GNA11: variants seen among roughly 807,000 people sequenced by gnomAD.
GNA11 encodes the protein guanine nucleotide-binding protein subunit alpha-11.
GNA11 carries 8 observed loss-of-function variants against 38.2 expected under a neutral mutation model. That is an observed-to-expected ratio of 0.21 (90% CI 0.12 to 0.38). The LOEUF is 0.38. Among genes scored for constraint, GNA11 ranks in the 10% least tolerant of loss-of-function variants. The pLI is 1.00. For missense variants in GNA11, 268 were observed against 516.3 expected (o/e 0.52, Z 4.66); for synonymous variants, 211 against 221.4 (o/e 0.95, Z 0.42).
intron 4 of GNA11, among the ~76,000 whole-genome samples, chr19:3,116,735 G>A: frequency 6.6e-6 from 1 of 152,218 alleles, no homozygotes; most frequent in East Asian, 1.9e-4. Flanking sequence ...TCCGGTTGCG[G>A]GTGCCTTCTC....
chr19:3,119,102 A>G lies in GNA11; in HGVS notation c.735+49A>G, dbSNP rs374918092. The G allele has an allele frequency of 3.2e-4, 510 of 1,607,084 alleles. 10 individuals carry two copies. In the South Asian group the frequency reaches 3.3e-3, roughly 10 times the overall value. ...CAGCGTTGGGGGCCGGGCCTTCCCC[A>G]CCTGCCAAGCCTGGGTCCCCTCACC... On this transcript the variant is annotated intron_variant, in intron 5 of 6. Coordinates refer to ENST00000078429, the MANE Select transcript of GNA11 (RefSeq NM_002067.5). The surrounding 1 kb of genome is among the most constrained non-coding windows in gnomAD (Gnocchi z 4.6).
chr19:3,097,878 C>G (rs764850836), intron 1 of GNA11, among the ~76,000 whole-genome samples: 1 of 152,208 alleles, frequency 6.6e-6, no homozygotes, highest in Non-Finnish European at 1.5e-5. Context: ...TGTCCGAGGC[C>G]TCCACCCACT....
rs1386275269 is a variant in GNA11, at chr19:3,120,350, G to A, written c.890-639G>A. Among the ~76,000 whole-genome samples, 1 of 152,094 alleles carries A rather than the reference G, an allele frequency of 6.6e-6. No homozygotes were observed. The highest frequency in any genetic ancestry group is 6.5e-5 in the Admixed American group (1 of 15,284). The stretch of plus-strand genomic sequence containing the variant: ...TGGGCTCAGAGAGCCCTGGTGGGGG[G>A]AGGCCAAGGGACTGGGGCATAGACC... On this transcript the variant is annotated intron_variant, in intron 6 of 6. Transcript: ENST00000078429. The surrounding 1 kb of genome is among the most constrained non-coding windows in gnomAD (Gnocchi z 5.9).
At chr19:3,095,466 C>G (rs1913339781) in intron 1 of GNA11, among the ~76,000 whole-genome samples, 1 of 152,012 alleles carries the variant, frequency 6.6e-6, no homozygotes, top group Non-Finnish European at 1.5e-5. Context: ...CCCTTCCCTC[C>G]AGGCAGAGCC....
rs1369286494 is a variant in GNA11, at chr19:3,122,187, A to G, written c.*1008A>G. On this transcript the variant is annotated 3_prime_UTR_variant, in exon 7 of 7. Transcript: ENST00000078429. This position sits in a 1 kb window ranked among gnomAD's most constrained non-coding sequence, Gnocchi z 7.7. ...TTTTGTTCCGCTTTGTGATGTCACC[A>G]ATTTGGAAACAGCGAGGGTGGGTGG... is the stretch of plus-strand genomic sequence containing the variant. The G allele has an allele frequency of 4.3e-6, 1 of 231,594 alleles. No individual in the cohort carries two copies. Among genetic ancestry groups the G allele is most frequent in the Non-Finnish European group, 8.6e-6 (1 of 116,846 alleles). The allele number at this position is 231,594 out of a possible 1,614,324, so 14.3% of individuals were successfully genotyped here. A position where few individuals can be genotyped will look rare whatever the true frequency, so the allele number is the denominator to read the frequency against.
chr19:3,113,178 C>T lies in GNA11; in HGVS notation c.322-152C>T, dbSNP rs308064. On this transcript the variant is annotated intron_variant, in intron 2 of 6. Coordinates refer to ENST00000078429, the MANE Select transcript of GNA11 (RefSeq NM_002067.5). ...CAGGCGGCCTCGCGTTTTTCTGACA[C>T]GTGTTCACACGGAACTGTCAGTGGT... is the stretch of plus-strand genomic sequence containing the variant. The T allele has an allele frequency of 0.8, 536,801 of 675,132 alleles. 217,255 individuals carry two copies. Among genetic ancestry groups the T allele is most frequent in the Non-Finnish European group, 0.86 (336,073 of 392,442 alleles). 41.8% of individuals were successfully genotyped at this position (675,132 alleles called of 1,614,324 possible). A position where few individuals can be genotyped will look rare whatever the true frequency, so the allele number is the denominator to read the frequency against.
chr19:3,118,784 G>T, intron 4 of GNA11, 140 bp from the exon 5 acceptor site: 1 of 778,096 alleles, frequency 1.3e-6, no homozygotes, highest in Admixed American at 2.2e-5. Context: ...GTCCTTGCCC[G>T]TTCTAAGAGT....
At chr19:3,114,716 G>A (rs778158966) in intron 3 of GNA11, among the ~76,000 whole-genome samples, 3 of 152,164 alleles carry the variant, frequency 2.0e-5, no homozygotes, top group Non-Finnish European at 4.4e-5. Flanking sequence ...GGTCATTTCT[G>A]TCCCCTGAGA....
intron 1 of GNA11, among the ~76,000 whole-genome samples, chr19:3,101,160 G>A (rs1354640256): frequency 6.6e-6 from 1 of 152,236 alleles, no homozygotes; most frequent in Non-Finnish European, 1.5e-5. Context: ...GGGACGGAGT[G>A]GGGTGGGGGG....
intron 1 of GNA11, among the ~76,000 whole-genome samples, chr19:3,098,568 C>T (rs944044604): frequency 7.2e-5 from 11 of 152,244 alleles, no homozygotes; most frequent in Non-Finnish European, 1.5e-4. Flanking sequence ...GCCGGAGTGG[C>T]TCCAGGCTTT....
chr19:3,111,223 G>A (rs948618226), intron 2 of GNA11, among the ~76,000 whole-genome samples: 5 of 152,020 alleles, frequency 3.3e-5, no homozygotes, highest in African/African-American at 9.7e-5. Context: ...GTATAATTTG[G>A]TGGTTTTCGA....
At chr19:3,106,138 T>C (rs1369223986) in intron 1 of GNA11, among the ~76,000 whole-genome samples, 5 of 151,676 alleles carry the variant, frequency 3.3e-5, no homozygotes, top group African/African-American at 9.7e-5. Context: ...GAGGCCCGAG[T>C]TGGGGCTGTG....
chr19:3,110,205 G>A lies in GNA11; in HGVS notation c.193G>A (p.Ala65Thr), dbSNP rs147528229. Residue 65 changes from alanine to threonine, a missense_variant, in exon 2 of 7, where the codon GCC becomes ACC. Around this residue, in one of 3 missense-constraint regions of GNA11, gnomAD observed 151 missense variants for 254.0 expected, o/e 0.59. Transcript: ENST00000078429. The surrounding 1 kb of genome is among the most constrained non-coding windows in gnomAD (Gnocchi z 5.4). The stretch of plus-strand genomic sequence containing the variant: ...CAAGCAGATGCGCATCATCCACGGC[G>A]CCGGCTACTCGGAGGAGGACAAGCG... ...FIKQMRIIHG[A>T]GYSEEDKRGF... is the part of the protein sequence containing the mutation. 1,484 of 1,613,616 alleles carry A rather than the reference G, an allele frequency of 9.2e-4. 12 individuals carry two copies. In the African/African-American group the frequency reaches 0.017, roughly 19 times the overall value.
rs1913745624 is a variant in GNA11, at chr19:3,110,442, C to T, written c.321+109C>T. 2 of 785,570 alleles carry T rather than the reference C, an allele frequency of 2.5e-6. No individual in the cohort carries two copies. Among genetic ancestry groups the T allele is most frequent in the Non-Finnish European group, 4.1e-6 (2 of 488,458 alleles). The allele number at this position is 785,570 out of a possible 1,614,324, so 48.7% of individuals were successfully genotyped here. ...GGGCCATGCCGGGGGTCCCGGCCGG[C>T]CCAGGCTACCCCTGGTCATCCATCC... On this transcript the variant is annotated intron_variant, in intron 2 of 6. Coordinates refer to ENST00000078429, the MANE Select transcript of GNA11 (RefSeq NM_002067.5). This position sits in a 1 kb window ranked among gnomAD's most constrained non-coding sequence, Gnocchi z 5.4.
intron 1 of GNA11, among the ~76,000 whole-genome samples, chr19:3,103,357 C>T (rs1188107687): frequency 1.3e-5 from 2 of 151,512 alleles, no homozygotes; most frequent in South Asian, 2.1e-4. Flanking sequence ...GGATTACAGG[C>T]GCATGCCACC....
chr19:3,102,599 G>A (rs1197096101), intron 1 of GNA11, among the ~76,000 whole-genome samples: 1 of 152,198 alleles, frequency 6.6e-6, no homozygotes, highest in Non-Finnish European at 1.5e-5. Context: ...GGGGTCGTGT[G>A]ACTTCAGGGA....
In GNA11 at chr19:3,119,603, T is replaced by G. The variant is rs572228922; in HGVS notation, c.889+244T>G. Reference sequence around the variant, plus strand: ...GGAGATCTGTTAATGCAGGGACTCCTTATACAGGAGGGGTCTCGGGTGGGA... The same window carrying G: ...GGAGATCTGTTAATGCAGGGACTCCGTATACAGGAGGGGTCTCGGGTGGGA... On this transcript the variant is annotated intron_variant, in intron 6 of 6. Transcript: ENST00000078429. The surrounding 1 kb of genome is among the most constrained non-coding windows in gnomAD (Gnocchi z 4.6). Among the ~76,000 whole-genome samples the G allele has an allele frequency of 2.2e-4, 32 of 147,574 alleles. No individual in the cohort carries two copies. The highest frequency in any genetic ancestry group is 8.1e-4 in the African/African-American group (32 of 39,694).
Position 3,118,936 on chromosome 19 carries a change from G to C in GNA11, c.618G>C (p.Val206=), listed in dbSNP as rs751616481. Reference sequence around the variant, plus strand: ...TGTGTCCTTTCAGGATGGTGGATGTGGGGGGCCAGCGGTCGGAGCGGAGGA... The same window carrying C: ...TGTGTCCTTTCAGGATGGTGGATGTCGGGGGCCAGCGGTCGGAGCGGAGGA... ...LENIIFRMVD[V]GGQRSERRKW... Residue 206 remains valine, a synonymous_variant, in exon 5 of 7, where the codon GTG becomes GTC. Coordinates refer to ENST00000078429, the MANE Select transcript of GNA11 (RefSeq NM_002067.5). 6.2e-7 allele frequency: 1 copy of C among 1,613,614 alleles called. No homozygotes were observed. Among genetic ancestry groups the C allele is most frequent in the Middle Eastern group, 1.7e-4 (1 of 6,058 alleles).
In GNA11 at chr19:3,123,713, C is replaced by T. The variant is rs937629251; in HGVS notation, c.*2534C>T. ...CAGATCCTGTGGCCGGCCTGGCGGA[C>T]GGGACCCAGTGATACTTGTATATTA... On this transcript the variant is annotated 3_prime_UTR_variant, in exon 7 of 7. Coordinates refer to ENST00000078429, the MANE Select transcript of GNA11 (RefSeq NM_002067.5). 6 of 232,882 alleles carry T rather than the reference C, an allele frequency of 2.6e-5. No individual in the cohort carries two copies. Among genetic ancestry groups the T allele is most frequent in the Middle Eastern group, 1.2e-3 (1 of 806 alleles). 14.4% of individuals were successfully genotyped at this position (232,882 alleles called of 1,614,324 possible).
Sources: gnomAD v4.1 joint callset for allele counts (sites outside exome capture counted in the v4.1 genomes callset) on GRCh38, gnomAD v4.1.1 for gene constraint, gnomAD v4.1.1 regional missense constraint, Gnocchi (gnomAD v3.1) non-coding constraint, MANE v1.5 for transcripts, NCBI Gene and HGNC (gene_info 2026-07-23, HGNC 2026-07-21) for gene names.